Variants in TASP1 observed in about 807,000 individuals in gnomAD.
The protein encoded by TASP1 is threonine aspartase 1.
Under a neutral mutation model 56.6 loss-of-function variants are expected in TASP1, and 16 were observed. The ratio of observed to expected loss-of-function variants is 0.28; its 90% CI spans 0.19 to 0.43. The LOEUF (loss-of-function observed/expected upper bound fraction) is 0.43. Among genes scored for constraint, TASP1 ranks in the 20% least tolerant of loss-of-function variants. The pLI, the probability that TASP1 is intolerant of heterozygous loss-of-function variation, is 1.00. For missense variants in TASP1, 393 were observed against 511.6 expected (o/e 0.77, Z 2.24); for synonymous variants, 179 against 184.2 (o/e 0.97, Z 0.23).
At chr20:13,334,456 G>T in the TASP1 span, among the ~76,000 whole-genome samples, 1 of 152,076 alleles carries the variant, frequency 6.6e-6, no homozygotes, top group Non-Finnish European at 1.5e-5. Flanking sequence ...TTTCTCTTTT[G>T]GTCTGCCAAC....
the TASP1 span, among the ~76,000 whole-genome samples, chr20:13,105,303 A>C: frequency 6.6e-6 from 1 of 152,020 alleles, no homozygotes; most frequent in Non-Finnish European, 1.5e-5. Context: ...CCTTCTGCTC[A>C]AGAATCCTGG....
the TASP1 span, among the ~76,000 whole-genome samples, chr20:13,208,479 C>A: frequency 6.6e-6 from 1 of 152,176 alleles, no homozygotes; most frequent in Non-Finnish European, 1.5e-5. Context: ...CAAAACCAGC[C>A]ACACTTCCCT....
chr20:13,481,024 T>C (rs767616655), intron 11 of TASP1, among the ~76,000 whole-genome samples: 10 of 152,154 alleles, frequency 6.6e-5, no homozygotes, highest in Non-Finnish European at 8.8e-5. Flanking sequence ...GTCACCCTGT[T>C]GTGCCATCAA....
intron 6 of TASP1, among the ~76,000 whole-genome samples, chr20:13,574,190 A>G (rs1956917708): frequency 6.6e-6 from 1 of 152,138 alleles, no homozygotes; most frequent in African/African-American, 2.4e-5. Flanking sequence ...CCCACCAGCC[A>G]AAGTAAAGGC....
the TASP1 span, among the ~76,000 whole-genome samples, chr20:13,286,797 CAT>C: frequency 7.2e-5 from 11 of 152,222 alleles, no homozygotes; most frequent in Non-Finnish European, 1.5e-4. Flanking sequence ...CAGGTAGAAA[CAT>C]GTGTGGACTA....
intron 1 of TASP1, among the ~76,000 whole-genome samples, chr20:13,632,275 G>T (rs1039892274): frequency 2.7e-5 from 4 of 149,432 alleles, no homozygotes; most frequent in African/African-American, 9.9e-5. Context: ...CAGGAGAATT[G>T]CTTGAACTGG....
At chr20:13,105,938 T>C in the TASP1 span, among the ~76,000 whole-genome samples, 2 of 152,330 alleles carry the variant, frequency 1.3e-5, no homozygotes, top group South Asian at 4.1e-4. Flanking sequence ...TTTTAGGAAC[T>C]CTGCCTAAAG....
intron 7 of TASP1, among the ~76,000 whole-genome samples, chr20:13,568,330 C>T (rs536713915): frequency 1.3e-5 from 2 of 152,128 alleles, no homozygotes; most frequent in East Asian, 1.9e-4. Context: ...CCCTATTTAA[C>T]TAAGTTGGTT....
chr20:13,131,291 T>C, the TASP1 span, among the ~76,000 whole-genome samples: 1 of 152,206 alleles, frequency 6.6e-6, no homozygotes, highest in Admixed American at 6.5e-5. Context: ...TCAGAGAAGA[T>C]AGAGTTTGTA....
the TASP1 span, among the ~76,000 whole-genome samples, chr20:13,341,285 C>A: frequency 6.6e-6 from 1 of 152,196 alleles, no homozygotes; most frequent in Admixed American, 6.5e-5. Context: ...TTTCCAATTT[C>A]TTTTACCCAT....
the TASP1 span, among the ~76,000 whole-genome samples, chr20:13,384,041 A>G: frequency 6.6e-6 from 1 of 152,202 alleles, no homozygotes; most frequent in African/African-American, 2.4e-5. Context: ...ATGGAAAAGA[A>G]CACATGTTTT....
chr20:13,554,260 G>A (rs765568704), intron 8 of TASP1, among the ~76,000 whole-genome samples: 109 of 152,224 alleles, frequency 7.2e-4, no homozygotes, highest in Non-Finnish European at 1.2e-3. Context: ...ATGTGGCTAC[G>A]GGCCAGAGAG....
chr20:13,286,601 G>A, the TASP1 span, among the ~76,000 whole-genome samples: 1 of 152,170 alleles, frequency 6.6e-6, no homozygotes, highest in Admixed American at 6.5e-5. Context: ...CAGATAAGAT[G>A]GGAGCAAGCT....
At chr20:13,260,070 C>T in the TASP1 span, among the ~76,000 whole-genome samples, 1 of 152,162 alleles carries the variant, frequency 6.6e-6, no homozygotes, top group African/African-American at 2.4e-5. Flanking sequence ...CATCAGCTGC[C>T]AGTTTTCCAA....
chr20:13,397,758 T>C (rs992259895), intron 13 of TASP1, among the ~76,000 whole-genome samples: 2 of 152,222 alleles, frequency 1.3e-5, no homozygotes, highest in Non-Finnish European at 2.9e-5. Context: ...GGGAAATCAC[T>C]GGCTCTCTGG....
the TASP1 span, among the ~76,000 whole-genome samples, chr20:13,290,868 G>A: frequency 7.3e-4 from 111 of 152,314 alleles, no homozygotes; most frequent in African/African-American, 2.5e-3. Flanking sequence ...GAGGCATAGA[G>A]GATTAACTTG....
At chr20:13,170,240 G>A in the TASP1 span, among the ~76,000 whole-genome samples, 3 of 152,114 alleles carry the variant, frequency 2.0e-5, no homozygotes, top group African/African-American at 7.2e-5. Flanking sequence ...GCATAAAGAG[G>A]ACTTCCAAGA....
intron 10 of TASP1, among the ~76,000 whole-genome samples, chr20:13,498,331 T>TGTGTGTGTGTG (rs2043808513): frequency 3.0e-5 from 4 of 135,010 alleles, no homozygotes; most frequent in African/African-American, 5.7e-5. Flanking sequence ...TTCTTTTCTT[T>TGTGTGTGTGTG]TGTGTGTGTG....
At chr20:13,351,033 C>T in the TASP1 span, among the ~76,000 whole-genome samples, 1 of 151,200 alleles carries the variant, frequency 6.6e-6, no homozygotes, top group Non-Finnish European at 1.5e-5. Context: ...GTTGAACAGG[C>T]ACTTCTCCAA....
Sources: allele counts gnomAD v4.1 joint callset (sites outside exome capture counted in the v4.1 genomes callset), GRCh38; gene constraint gnomAD v4.1.1; transcripts MANE v1.5; gene names NCBI Gene and HGNC (gene_info 2026-07-23, HGNC 2026-07-21).